Variants in FLT1 observed in about 807,000 individuals in gnomAD.
FLT1 encodes vascular endothelial growth factor receptor 1.
A neutral mutation model predicts 156.3 loss-of-function variants in FLT1; 49 were observed. The observed-to-expected ratio is 0.31, with a 90% CI of 0.25 to 0.40. The LOEUF (loss-of-function observed/expected upper bound fraction) is 0.40, where lower values mean the gene tolerates loss of function less well. FLT1 is among the 10% of genes least tolerant of loss of function. The probability of loss-of-function intolerance (pLI) is 1.00; values close to 1 mark genes in which losing one functional copy is unlikely to be tolerated. For missense variants in FLT1, 1,322 were observed against 1,637.2 expected, an observed-to-expected ratio of 0.81 and a Z score of 3.32; for synonymous variants, 594 against 583.8, an observed-to-expected ratio of 1.02 and a Z score of -0.25.
intron 1 of FLT1, among the ~76,000 whole-genome samples, chr13:28,493,505 G>A (rs1273769108): frequency 6.6e-6 from 1 of 151,734 alleles, no homozygotes; most frequent in African/African-American, 2.4e-5. Context: ...CTGCTTTTTG[G>A]GTTTAACAAG....
At chr13:28,306,348 T>C (rs866377503) in intron 29 of FLT1, among the ~76,000 whole-genome samples, 12 of 151,904 alleles carry the variant, frequency 7.9e-5, no homozygotes, top group African/African-American at 2.4e-4. Context: ...GGGGGCATCC[T>C]CTCCCACCGC....
At chr13:28,303,402 A>C in intron 29 of FLT1, 34 bp from the exon 30 acceptor site, 2 of 1,598,104 alleles carry the variant, frequency 1.3e-6, no homozygotes, top group South Asian at 2.2e-5. Context: ...CAAATATTCA[A>C]AATTGGTTTT....
intron 11 of FLT1, among the ~76,000 whole-genome samples, chr13:28,398,033 C>A (rs1041421942): frequency 6.6e-6 from 1 of 151,612 alleles, no homozygotes; most frequent in Non-Finnish European, 1.5e-5. Flanking sequence ...TTGCATTCTT[C>A]CAAAGAAAAA....
At chr13:28,319,249 G>A (rs1298431669) in intron 24 of FLT1, among the ~76,000 whole-genome samples, 174 bp downstream of exon 24, 1 of 152,114 alleles carries the variant, frequency 6.6e-6, no homozygotes, top group Non-Finnish European at 1.5e-5. Context: ...TACAGTAGAG[G>A]GCAGACATGC....
At chr13:28,390,930 C>T (rs1874672738) in intron 12 of FLT1, among the ~76,000 whole-genome samples, 1 of 152,230 alleles carries the variant, frequency 6.6e-6, no homozygotes, top group African/African-American at 2.4e-5. Flanking sequence ...CTGTTATTCA[C>T]TATCCTCCTC....
intron 14 of FLT1, among the ~76,000 whole-genome samples, chr13:28,382,577 A>G (rs1178712550): frequency 3.3e-5 from 5 of 152,198 alleles, no homozygotes; most frequent in Admixed American, 3.3e-4. Flanking sequence ...GTAGATGCAA[A>G]GAGAGATAGG....
intron 8 of FLT1, among the ~76,000 whole-genome samples, chr13:28,428,988 GCCCTTGCTA>G (rs1877515833): frequency 1.3e-5 from 2 of 151,788 alleles, no homozygotes; most frequent in African/African-American, 4.8e-5. Context: ...TTTTTTTAAT[GCCCTTGCTA>G]CTTAGTTACT....
At chr13:28,421,280 C>T (rs1188795166) in intron 10 of FLT1, among the ~76,000 whole-genome samples, 1 of 152,138 alleles carries the variant, frequency 6.6e-6, no homozygotes, top group Non-Finnish European at 1.5e-5. Context: ...TCTTAGAAAA[C>T]CCCCCATTTT....
Position 28,321,605 on chromosome 13 carries a change from T to A in FLT1, c.3052-20A>T. ...AATGCACTATAATAAAACAGTTGCATAATCAATGCATTTCCTTAACCTAAC... is the reference window on the plus strand; with the variant it reads ...AATGCACTATAATAAAACAGTTGCAAAATCAATGCATTTCCTTAACCTAAC... On this transcript the variant is annotated intron_variant, in intron 22 of 29. Coordinates refer to ENST00000282397, the MANE Select transcript of FLT1 (RefSeq NM_002019.4). 1 of 1,613,618 alleles carries A rather than the reference T, an allele frequency of 6.2e-7. No individual in the cohort carries two copies. The highest frequency in any genetic ancestry group is 8.5e-7 in the Non-Finnish European group (1 of 1,179,594).
intron 27 of FLT1, among the ~76,000 whole-genome samples, chr13:28,310,559 C>T (rs546847624): frequency 1.3e-5 from 2 of 152,126 alleles, no homozygotes; most frequent in African/African-American, 2.4e-5. Context: ...TCTGTGTAAC[C>T]GTCATCCCTG....
In FLT1 at chr13:28,302,855, A is replaced by C; in HGVS notation, c.*312T>G. ...GGGTGATCAGTGCAGCTCCTCAATC[A>C]AACTGGTCCTGCGTGCCCTGAGGTG... On this transcript the variant is annotated 3_prime_UTR_variant, in exon 30 of 30. Transcript: ENST00000282397. The C allele has an allele frequency of 9.0e-6, 4 of 442,196 alleles. No homozygotes were observed. The South Asian group carries it at 9.5e-5, about 10-fold the overall frequency. The allele number at this position is 442,196 out of a possible 1,614,324, so 27.4% of individuals were successfully genotyped here.
At chr13:28,360,404 T>C (rs1430179519) in intron 14 of FLT1, among the ~76,000 whole-genome samples, 15 of 152,342 alleles carry the variant, frequency 9.8e-5, no homozygotes, top group African/African-American at 3.4e-4. Flanking sequence ...TATTGCAGCA[T>C]TATTCACAAT....
At chr13:28,488,677 G>A (rs1881309343) in intron 1 of FLT1, among the ~76,000 whole-genome samples, 1 of 152,138 alleles carries the variant, frequency 6.6e-6, no homozygotes, top group Non-Finnish European at 1.5e-5. Flanking sequence ...CAAGCCATGG[G>A]ATTCCAATTT....
chr13:28,354,810 A>G (rs1195077730), intron 15 of FLT1, among the ~76,000 whole-genome samples: 2 of 152,078 alleles, frequency 1.3e-5, no homozygotes, highest in Non-Finnish European at 2.9e-5. Flanking sequence ...GAATATATAA[A>G]TATATATTCC....
At chr13:28,362,030 T>A (rs1873132233) in intron 14 of FLT1, among the ~76,000 whole-genome samples, 3 of 152,198 alleles carry the variant, frequency 2.0e-5, no homozygotes, top group Admixed American at 2.0e-4. Context: ...AGGCAAGGAA[T>A]GATGAGGTCT....
intron 4 of FLT1, among the ~76,000 whole-genome samples, chr13:28,435,019 C>T (rs191145507): frequency 2.5e-4 from 38 of 152,270 alleles, no homozygotes; most frequent in Admixed American, 7.8e-4. Flanking sequence ...GAAGAAGTGG[C>T]TGTCTTCAAA....
chr13:28,412,730 C>CTTTTTTTTTT, intron 10 of FLT1, among the ~76,000 whole-genome samples: 1 of 79,536 alleles, frequency 1.3e-5, no homozygotes, highest in Non-Finnish European at 2.3e-5. Flanking sequence ...CCCTCACGTT[C>CTTTTTTTTTT]TTTTTTTTTT....
At chr13:28,386,575 T>C in intron 13 of FLT1, 1 of 1,055,478 alleles carries the variant, frequency 9.5e-7, no homozygotes, top group South Asian at 4.6e-5. Context: ...TTTCCTATCT[T>C]ATCTTGCCCA....
chr13:28,342,057 A>G (rs937762900), intron 16 of FLT1, among the ~76,000 whole-genome samples: 4 of 151,884 alleles, frequency 2.6e-5, no homozygotes, highest in Non-Finnish European at 4.4e-5. Context: ...TAATTTTTGT[A>G]TTCTTAGTAG....
Sources: gnomAD v4.1 joint callset for allele counts (sites outside exome capture counted in the v4.1 genomes callset) on GRCh38, gnomAD v4.1.1 for gene constraint, MANE v1.5 for transcripts, NCBI Gene and HGNC (gene_info 2026-07-23, HGNC 2026-07-21) for gene names.